The following LMNTD2 variants were observed in gnomAD, a reference collection of about 807,000 sequenced individuals.
The protein encoded by LMNTD2 is lamin tail domain-containing protein 2.
In LMNTD2, 83 loss-of-function variants were observed where a neutral mutation model predicts 70.1. That is an observed-to-expected ratio of 1.18 (90% CI 0.99 to 1.42). LMNTD2 has a LOEUF of 1.42. Among genes scored for constraint, LMNTD2 ranks in the 40% most tolerant of loss-of-function variants. The pLI, the probability that LMNTD2 is intolerant of heterozygous loss-of-function variation, is 0.00. For missense variants in LMNTD2, 1,153 were observed against 905.9 expected (o/e 1.27, Z -3.50); for synonymous variants, 534 against 406.1 (o/e 1.31, Z -3.79).
At position 557,621 on chromosome 11, in the gene LMNTD2, A is replaced by C. The variant is rs1466979931; in HGVS notation, c.575T>G (p.Leu192Arg). The C allele has an allele frequency of 6.2e-7, 1 of 1,613,192 alleles. No individual in the cohort carries two copies. The highest frequency in any genetic ancestry group is 1.7e-5 in the Admixed American group (1 of 60,014). Reference protein sequence around the residue: ...GSVEVVTAETLMDPSDLSENI... With the variant: ...GSVEVVTAETRMDPSDLSENI... The stretch of plus-strand genomic sequence containing the variant: ...TTCAGAGAGGTCGCTTGGGTCCATC[A>C]GAGTCTCTGCCGTCACTACCTGCAA... The change falls in exon 6 of 14, where the codon CTG (leucine) becomes CGG (arginine). Residue 192 changes from leucine to arginine, a missense_variant. Leu to Arg is a moderately radical substitution (Grantham distance 102). Transcript: ENST00000329451.
chr11:556,942 G>T lies in LMNTD2; in HGVS notation c.869C>A (p.Pro290Gln). ...CACCTGCACGAAGGAAGGCAGGCCC[G>T]GCCGGCAGCTGCTGGAGTCGGAGTC... ...GADSDSSSCR[P>Q]GLPSFVQVIG... Residue 290 changes from proline to glutamine, a missense_variant, in exon 8 of 14, where the codon CCG becomes CAG. Coordinates refer to ENST00000329451, the MANE Select transcript of LMNTD2 (RefSeq NM_173573.3). 6.2e-7 allele frequency: 1 copy of T among 1,600,974 alleles called. No individual in the cohort carries two copies.
In LMNTD2 at chr11:557,670, A is replaced by G. The variant is rs538109219; in HGVS notation, c.556-30T>C. 1.7e-5 allele frequency: 27 copies of G among 1,612,940 alleles called. No individual in the cohort carries two copies. In the East Asian group the frequency reaches 2.9e-4, roughly 17 times the overall value. ...AAGAGGGGACCGGAAGCCAGTGGGC[A>G]GGGGCTGGGTGCTCCCCTACAGCAC... On this transcript the variant is annotated intron_variant, in intron 5 of 13. Coordinates refer to ENST00000329451, the MANE Select transcript of LMNTD2 (RefSeq NM_173573.3).
At position 557,435 on chromosome 11, in the gene LMNTD2, T is replaced by G; in HGVS notation, c.677A>C (p.Asn226Thr). The change falls in exon 7 of 14, where the codon AAC (asparagine) becomes ACC (threonine). Residue 226 changes from asparagine to threonine, a missense_variant. Physicochemically the swap from Asn to Thr is moderately conservative, Grantham distance 65. Coordinates refer to ENST00000329451, the MANE Select transcript of LMNTD2 (RefSeq NM_173573.3). ...GCTGGGCTCCATGTTGGTGAAGAGG[T>G]TGGGATACCGGCGGGCAACGCTGTT... The part of the protein sequence containing the change: ...DWNSVARRYP[N>T]LFTNMEPSSK... 1 of 1,610,096 alleles carries G rather than the reference T, an allele frequency of 6.2e-7. No homozygotes were observed. The highest frequency in any genetic ancestry group is 8.5e-7 in the Non-Finnish European group (1 of 1,178,202).
chr11:556,856 T>TCCCG lies in LMNTD2; in HGVS notation c.954_955insCGGG (p.Ser319ArgfsTer146). ...GCACCTTCTGAGTCCCTGCTGTAGC[T>TCCCG]GCCGGCCTGCACCAGCGCTTGCTCG... On this transcript the variant is annotated frameshift_variant, in exon 8 of 14. Coordinates refer to ENST00000329451, the MANE Select transcript of LMNTD2 (RefSeq NM_173573.3). LOFTEE classifies it high-confidence loss of function. 1.9e-6 allele frequency: 3 copies of TCCCG among 1,584,872 alleles called. No individual in the cohort carries two copies. The highest frequency in any genetic ancestry group is 2.6e-6 in the Non-Finnish European group (3 of 1,164,846).
intron 2 of LMNTD2, 34 bp from the exon 3 acceptor site, chr11:558,800 G>T: frequency 6.3e-7 from 1 of 1,598,174 alleles, no homozygotes; most frequent in Non-Finnish European, 8.6e-7. Flanking sequence ...GCTTACTCAG[G>T]CCGGCCCCTG....
chr11:560,470 C>A lies in LMNTD2; in HGVS notation c.34+213G>T, dbSNP rs1307554428. 3.2e-6 allele frequency: 4 copies of A among 1,256,314 alleles called. No homozygotes were observed. In the East Asian group the frequency reaches 1.3e-4, roughly 40 times the overall value. 77.8% of individuals were successfully genotyped at this position (1,256,314 alleles called of 1,614,324 possible). On this transcript the variant is annotated intron_variant, in intron 1 of 13. Coordinates refer to ENST00000329451, the MANE Select transcript of LMNTD2 (RefSeq NM_173573.3). ...CACCTCCCTCGCCGGGACTGGTGAC[C>A]CTGCGACCCCGCGACCCCTGCGCGT...
chr11:557,015 C>T lies in LMNTD2; in HGVS notation c.796G>A (p.Glu266Lys). Residue 266 changes from glutamate (E) to lysine (K), a missense_variant, in exon 8 of 14, where the codon GAG becomes AAG. Transcript: ENST00000329451. ...KHSERHHKTV[E>K]WGSLPCLNTS... Reference sequence around the variant, plus strand: ...TTCAGACAGGGCAGGGAGCCCCACTCCACGGTCTTGTGATGCCGCTCGGAA... The same window carrying T: ...TTCAGACAGGGCAGGGAGCCCCACTTCACGGTCTTGTGATGCCGCTCGGAA... The T allele has an allele frequency of 1.9e-6, 3 of 1,609,500 alleles. No homozygotes were observed. The highest frequency in any genetic ancestry group is 2.5e-6 in the Non-Finnish European group (3 of 1,179,094).
At chr11:555,227 A>AGGGGC in intron 13 of LMNTD2, 78 bp downstream of exon 13, 1 of 435,672 alleles carries the variant, frequency 2.3e-6, no homozygotes. Context: ...GAGGAGACAG[A>AGGGGC]GGGGAGGGAG....
At position 556,327 on chromosome 11, in the gene LMNTD2, G is replaced by C. The variant is rs1043025211; in HGVS notation, c.1122C>G (p.Val374=). ...TCTCCTGCGACGGGTTGAAGATGCG[G>C]ACGAACTTCTCCCGGCAGCTCACAG... ...IVAVSCREKF[V]RIFNPSQEST... Residue 374 remains valine, a synonymous_variant, in exon 10 of 14, where the codon GTC becomes GTG. Coordinates refer to ENST00000329451, the MANE Select transcript of LMNTD2 (RefSeq NM_173573.3). The C allele has an allele frequency of 3.3e-6, 5 of 1,535,852 alleles. No individual in the cohort carries two copies. The highest frequency in any genetic ancestry group is 4.4e-6 in the Non-Finnish European group (5 of 1,146,664).
At position 555,870 on chromosome 11, in the gene LMNTD2, C is replaced by G; in HGVS notation, c.1438G>C (p.Gly480Arg). 1.3e-6 allele frequency: 2 copies of G among 1,563,942 alleles called. No individual in the cohort carries two copies. Among genetic ancestry groups the G allele is most frequent in the East Asian group, 2.6e-5 (1 of 38,614 alleles). Reference protein sequence around the residue: ...ETPAPRVFADGTDLSIDRFPL... With the variant: ...ETPAPRVFADRTDLSIDRFPL... ...AAGCGGTCGATGGACAAGTCGGTGC[C>G]GTCGGCGAAGACCCTCGGGGCCGGA... The change falls in exon 12 of 14, where the codon GGC becomes CGC. Residue 480 changes from glycine to arginine, a missense_variant. By Grantham distance (125) the Gly-to-Arg change is moderately radical. Transcript: ENST00000329451.
At position 555,111 on chromosome 11, in the gene LMNTD2, C is replaced by G. The variant is rs770188983; in HGVS notation, c.1774G>C (p.Val592Leu). ...CTACGGTCCACGCTCTTCCGGCACACCTGGGGGGCGCGGGGGCTGAGAGGC... is the reference window on the plus strand; with the variant it reads ...CTACGGTCCACGCTCTTCCGGCACAGCTGGGGGGCGCGGGGGCTGAGAGGC... ...CRLQKEHRVR[V>L]CRKSVDRSCP... is the part of the protein sequence containing the mutation. Residue 592 changes from valine (V) to leucine (L), a missense_variant and splice_region_variant, in exon 14 of 14, where the codon GTG becomes CTG. By Grantham distance (32) the Val-to-Leu change is conservative. Coordinates refer to ENST00000329451, the MANE Select transcript of LMNTD2 (RefSeq NM_173573.3). 9.5e-6 allele frequency: 14 copies of G among 1,468,064 alleles called. No individual in the cohort carries two copies. The highest frequency in any genetic ancestry group is 2.5e-4 in the Middle Eastern group (1 of 4,048). The allele number at this position is 1,468,064 out of a possible 1,614,324, so 90.9% of individuals were successfully genotyped here. A position where few individuals can be genotyped will look rare whatever the true frequency, so the allele number is the denominator to read the frequency against.
chr11:556,315 G>C lies in LMNTD2; in HGVS notation c.1134C>G (p.Asn378Lys), dbSNP rs759302829. 1 of 1,535,768 alleles carries C rather than the reference G, an allele frequency of 6.5e-7. No homozygotes were observed. The highest frequency in any genetic ancestry group is 1.4e-5 in the African/African-American group (1 of 73,174). ...SCREKFVRIF[N>K]PSQESTADLS... ...GGTCGGCCGTGCTCTCCTGCGACGG[G>C]TTGAAGATGCGGACGAACTTCTCCC... is the stretch of plus-strand genomic sequence containing the variant. Residue 378 changes from asparagine (N) to lysine (K), a missense_variant, in exon 10 of 14, where the codon AAC (asparagine) becomes AAG (lysine). Transcript: ENST00000329451.
At position 555,944 on chromosome 11, in the gene LMNTD2, C is replaced by T. The variant is rs1385552798; in HGVS notation, c.1378-14G>A. 2 of 1,555,278 alleles carry T rather than the reference C, an allele frequency of 1.3e-6. No homozygotes were observed. The highest frequency in any genetic ancestry group is 3.8e-5 in the Admixed American group (2 of 52,566). ...CTCACTGAGGACCTGCGGGGCGCGT[C>T]GGTCACCCCCACACCCCAGCCCCGG... On this transcript the variant is annotated splice_polypyrimidine_tract_variant and intron_variant, in intron 11 of 13. Coordinates refer to ENST00000329451, the MANE Select transcript of LMNTD2 (RefSeq NM_173573.3).
intron 1 of LMNTD2, chr11:559,328 C>G (rs1248452001): frequency 1.4e-6 from 2 of 1,379,500 alleles, no homozygotes; most frequent in African/African-American, 2.9e-5. Flanking sequence ...CAGCTCAGGG[C>G]CCTACCCCCA....
At position 556,821 on chromosome 11, in the gene LMNTD2, C is replaced by T; in HGVS notation, c.976+14G>A. ...TGGGTGAAGGGTAACCAGGGGAGACCCGCCCCACTGCACCTTCTGAGTCCC... is the reference window on the plus strand; with the variant it reads ...TGGGTGAAGGGTAACCAGGGGAGACTCGCCCCACTGCACCTTCTGAGTCCC... On this transcript the variant is annotated intron_variant, in intron 8 of 13. Transcript: ENST00000329451. 6.5e-7 allele frequency: 1 copy of T among 1,546,356 alleles called. No homozygotes were observed. The highest frequency in any genetic ancestry group is 8.8e-7 in the Non-Finnish European group (1 of 1,142,692).
intron 7 of LMNTD2, 111 bp downstream of exon 7, chr11:557,288 T>G (rs964603639): frequency 3.7e-5 from 53 of 1,415,224 alleles, no homozygotes; most frequent in African/African-American, 1.7e-4. Context: ...ATTGGAAGGT[T>G]TAAGAGACTT....
chr11:557,279 T>G, intron 7 of LMNTD2, 120 bp downstream of exon 7: 9 of 1,381,302 alleles, frequency 6.5e-6, no homozygotes, highest in Non-Finnish European at 8.9e-6. Context: ...AGAACGCGCA[T>G]TGGAAGGTTT....
In LMNTD2 at chr11:556,922, G is replaced by A; in HGVS notation, c.889C>T (p.Gln297Ter). 6 of 1,598,056 alleles carry A rather than the reference G, an allele frequency of 3.8e-6. No homozygotes were observed. The highest frequency in any genetic ancestry group is 5.1e-6 in the Non-Finnish European group (6 of 1,176,008). The change falls in exon 8 of 14, where the codon CAG (glutamine) becomes TAG (stop). Residue 297 changes from glutamine to a stop codon, truncating the protein, a stop_gained. Coordinates refer to ENST00000329451, the MANE Select transcript of LMNTD2 (RefSeq NM_173573.3). LOFTEE classifies it high-confidence loss of function. ...SCRPGLPSFV[Q>*]VIGHPPRDHR... The stretch of plus-strand genomic sequence containing the variant: ...TCCCGGGGCGGGTGCCCTATCACCT[G>A]CACGAAGGAAGGCAGGCCCGGCCGG...
In LMNTD2 at chr11:556,193, G is replaced by A. The variant is rs1267823979; in HGVS notation, c.1256C>T (p.Thr419Met). 1.4e-5 allele frequency: 20 copies of A among 1,413,222 alleles called. No homozygotes were observed. The highest frequency in any genetic ancestry group is 1.7e-5 in the Non-Finnish European group (19 of 1,090,436). The allele number at this position is 1,413,222 out of a possible 1,614,324, so 87.5% of individuals were successfully genotyped here. ...CCGGGCTCCCGGGCCGGGGCGCACCGTGACGTGGTGCCGCGGGGCCAGCAG... is the reference window on the plus strand; with the variant it reads ...CCGGGCTCCCGGGCCGGGGCGCACCATGACGTGGTGCCGCGGGGCCAGCAG... ...GTLLAPRHHVTVWGEATRSAK... is the reference protein window; with the variant it reads ...GTLLAPRHHVMVWGEATRSAK... Residue 419 changes from threonine (T) to methionine (M), a missense_variant and splice_region_variant, in exon 10 of 14, where the codon ACG becomes ATG. Thr to Met is a moderately conservative substitution (Grantham distance 81). Coordinates refer to ENST00000329451, the MANE Select transcript of LMNTD2 (RefSeq NM_173573.3).
Sources: gnomAD v4.1 joint callset for allele counts on GRCh38, gnomAD v4.1.1 for gene constraint, MANE v1.5 for transcripts, NCBI Gene and HGNC (gene_info 2026-07-23, HGNC 2026-07-21) for gene names.